The following SUCLG2 variants were observed in gnomAD, a reference collection of about 807,000 sequenced individuals.
The protein encoded by SUCLG2 is succinate--CoA ligase [GDP-forming] subunit beta, mitochondrial.
In SUCLG2, 42 loss-of-function variants were observed where a neutral mutation model predicts 47.9. That is an observed-to-expected ratio of 0.88 (90% confidence interval 0.69 to 1.14). SUCLG2 has a LOEUF of 1.14. Ranked by LOEUF, SUCLG2 falls within the 50% of genes most tolerant of loss-of-function variation. SUCLG2 has a pLI of 0.00. For missense variants in SUCLG2, 571 were observed against 525.9 expected, an observed-to-expected ratio of 1.09 and a Z score of -0.84; for synonymous variants, 195 against 197.3, an observed-to-expected ratio of 0.99 and a Z score of 0.10.
At chr3:67,419,085 C>G (rs1274247802) in intron 9 of SUCLG2, among the ~76,000 whole-genome samples, 2 of 152,116 alleles carry the variant, frequency 1.3e-5, no homozygotes, top group South Asian at 4.1e-4. Flanking sequence ...TACAAAAGCA[C>G]GCTCAGTCAT....
At chr3:67,421,631 C>T (rs557343971) in intron 9 of SUCLG2, among the ~76,000 whole-genome samples, 39 of 152,154 alleles carry the variant, frequency 2.6e-4, no homozygotes, top group Non-Finnish European at 3.7e-4. Context: ...GCTTTTATTC[C>T]ACTATGGTAT....
intron 9 of SUCLG2, among the ~76,000 whole-genome samples, chr3:67,423,806 C>T (rs1164011936): frequency 2.0e-5 from 3 of 152,164 alleles, no homozygotes; most frequent in African/African-American, 4.8e-5. Flanking sequence ...GTGAGTTTTG[C>T]TCCTAAAACA....
chr3:67,463,043 T>C (rs1166095299), intron 9 of SUCLG2, among the ~76,000 whole-genome samples: 1 of 152,198 alleles, frequency 6.6e-6, no homozygotes. Flanking sequence ...ATCAAGTTTG[T>C]GGGCAGAAAC....
chr3:67,385,185 A>G (rs898128365), intron 10 of SUCLG2, among the ~76,000 whole-genome samples: 3 of 152,222 alleles, frequency 2.0e-5, no homozygotes, highest in African/African-American at 7.2e-5. Flanking sequence ...TTCTGACACT[A>G]TAAGGCAGCA....
intron 9 of SUCLG2, among the ~76,000 whole-genome samples, chr3:67,443,959 TGG>T (rs1193403291): frequency 1.5e-3 from 93 of 60,904 alleles, no homozygotes; most frequent in African/African-American, 2.4e-3. Flanking sequence ...GGGAGGGAGG[TGG>T]GGGGGGGTCA....
intron 9 of SUCLG2, among the ~76,000 whole-genome samples, chr3:67,422,957 G>A (rs1703205897): frequency 6.6e-6 from 1 of 152,160 alleles, no homozygotes; most frequent in Admixed American, 6.5e-5. Flanking sequence ...TGTGGTCAGG[G>A]TCTTTGGAGA....
At chr3:67,566,261 C>A (rs985410546) in intron 2 of SUCLG2, among the ~76,000 whole-genome samples, 4 of 152,126 alleles carry the variant, frequency 2.6e-5, no homozygotes, top group African/African-American at 9.7e-5. Flanking sequence ...GTGGTAAAAT[C>A]ATCCTAAAAA....
chr3:67,580,866 T>C (rs1296225331), intron 2 of SUCLG2, among the ~76,000 whole-genome samples: 1 of 152,144 alleles, frequency 6.6e-6, no homozygotes, highest in Admixed American at 6.6e-5. Flanking sequence ...AATTGAGCTG[T>C]TTGTGGGAAA....
intron 1 of SUCLG2, among the ~76,000 whole-genome samples, chr3:67,639,826 G>A (rs1263996932): frequency 6.6e-6 from 1 of 152,166 alleles, no homozygotes; most frequent in Admixed American, 6.5e-5. Context: ...TTCTCAGGAT[G>A]TGTGACCAGG....
intron 9 of SUCLG2, among the ~76,000 whole-genome samples, chr3:67,417,241 T>C (rs1703057656): frequency 6.6e-6 from 1 of 152,244 alleles, no homozygotes; most frequent in Admixed American, 6.5e-5. Flanking sequence ...AATGTTTCAT[T>C]TGGCAATATA....
chr3:67,610,613 T>C (rs1298630397), intron 1 of SUCLG2, among the ~76,000 whole-genome samples: 8 of 150,752 alleles, frequency 5.3e-5, no homozygotes, highest in Non-Finnish European at 8.8e-5. Context: ...AGGATGACAA[T>C]ACAGTTAATG....
chr3:67,642,475 T>C (rs1390963128), intron 1 of SUCLG2, among the ~76,000 whole-genome samples: 1 of 151,890 alleles, frequency 6.6e-6, no homozygotes, highest in Non-Finnish European at 1.5e-5. Context: ...CCAGGCATAG[T>C]GGCATGCACC....
At chr3:67,399,962 C>T (rs1702645453) in intron 10 of SUCLG2, among the ~76,000 whole-genome samples, 1 of 152,160 alleles carries the variant, frequency 6.6e-6, no homozygotes, top group African/African-American at 2.4e-5. Flanking sequence ...AGGAGGATCA[C>T]TTGAAGCCAG....
chr3:67,593,354 C>T (rs111761824), intron 2 of SUCLG2, among the ~76,000 whole-genome samples: 6 of 135,414 alleles, frequency 4.4e-5, no homozygotes, highest in East Asian at 2.1e-4. Flanking sequence ...AAGTTGTTAT[C>T]CTACCCTATA....
chr3:67,613,307 G>A (rs1348581381), intron 1 of SUCLG2, among the ~76,000 whole-genome samples: 1 of 152,174 alleles, frequency 6.6e-6, no homozygotes, highest in Non-Finnish European at 1.5e-5. Flanking sequence ...TCTCATTAGG[G>A]TAGAAAAGAC....
intron 1 of SUCLG2, among the ~76,000 whole-genome samples, chr3:67,627,991 GT>G (rs926524718): frequency 1.3e-5 from 2 of 151,946 alleles, no homozygotes; most frequent in African/African-American, 4.8e-5. Flanking sequence ...GTTAGTGGTG[GT>G]TTTTTTTGGA....
intron 8 of SUCLG2, 39 bp from the exon 9 acceptor site, chr3:67,495,979 A>T: frequency 6.2e-7 from 1 of 1,612,618 alleles, no homozygotes; most frequent in Non-Finnish European, 8.5e-7. Context: ...GGCTACATTT[A>T]GCAACATGAA....
intron 6 of SUCLG2, among the ~76,000 whole-genome samples, chr3:67,512,844 C>T (rs1335320002): frequency 6.7e-6 from 1 of 150,240 alleles, no homozygotes; most frequent in South Asian, 2.1e-4. Context: ...TTTGACTATT[C>T]TAGATAGCAT....
intron 9 of SUCLG2, among the ~76,000 whole-genome samples, chr3:67,446,432 T>G (rs1430988228): frequency 5.0e-5 from 6 of 119,732 alleles, no homozygotes; most frequent in East Asian, 2.3e-4. Context: ...TTTTTTTTTT[T>G]TTTTTTTTTT....
Sources: gnomAD v4.1 joint callset for allele counts (sites outside exome capture counted in the v4.1 genomes callset) on GRCh38, gnomAD v4.1.1 for gene constraint, MANE v1.5 for transcripts, NCBI Gene and HGNC (gene_info 2026-07-23, HGNC 2026-07-21) for gene names.